SYN2: variants seen among roughly 807,000 people sequenced by gnomAD.
SYN2 encodes synapsin-2.
Under a neutral mutation model 50.9 loss-of-function variants are expected in SYN2, and 19 were observed. The ratio of observed to expected loss-of-function variants is 0.37; its 90% CI spans 0.26 to 0.55. The LOEUF (loss-of-function observed/expected upper bound fraction) is 0.55, where lower values mean the gene tolerates loss of function less well. SYN2 is among the 20% of genes least tolerant of loss of function. The pLI, the probability that SYN2 is intolerant of heterozygous loss-of-function variation, is 0.81. For missense variants in SYN2, 587 were observed against 576.4 expected (o/e 1.02, Z -0.19); for synonymous variants, 255 against 224.9 (o/e 1.13, Z -1.20).
intron 1 of SYN2, among the ~76,000 whole-genome samples, chr3:12,125,273 T>C (rs1420872935): frequency 6.6e-6 from 1 of 152,240 alleles, no homozygotes; most frequent in African/African-American, 2.4e-5. Context: ...GTGCTGGGAC[T>C]ACAGGCGTGA....
At chr3:12,025,081 A>G (rs567736062) in intron 1 of SYN2, among the ~76,000 whole-genome samples, 8 of 152,084 alleles carry the variant, frequency 5.3e-5, no homozygotes, top group Non-Finnish European at 1.2e-4. Flanking sequence ...TGGCTTGTAG[A>G]CGGCACCTTC....
rs1465103400 is a variant in SYN2, at chr3:12,190,607, C to T, written c.1731C>T (p.Ala577=). 1.9e-6 allele frequency: 3 copies of T among 1,613,078 alleles called. No homozygotes were observed. The African/African-American group carries it at 4.0e-5, about 22-fold the overall frequency. Residue 577 remains alanine (A), a synonymous_variant, in exon 13 of 13, where the codon GCC becomes GCT. Transcript: ENST00000621198. ...ETIRSLRKSF[A]SLFSD ...TCCGGAGCTTGAGGAAGTCCTTTGC[C>T]AGCCTCTTTTCAGATTAGCTCTTCA...
chr3:12,172,496 G>A (rs976685675), intron 10 of SYN2, among the ~76,000 whole-genome samples: 1 of 152,246 alleles, frequency 6.6e-6, no homozygotes, highest in African/African-American at 2.4e-5. Context: ...AAAGGAAGAT[G>A]TGTAGAGCAG....
At chr3:12,184,439 A>C (rs569571489) in intron 11 of SYN2, 27 of 985,796 alleles carry the variant, frequency 2.7e-5, no homozygotes, top group Non-Finnish European at 3.3e-5. Context: ...AAGGTCTGTC[A>C]GGGATTTGTC....
At chr3:12,134,582 G>A (rs1305563702) in intron 1 of SYN2, among the ~76,000 whole-genome samples, 1 of 152,222 alleles carries the variant, frequency 6.6e-6, no homozygotes, top group African/African-American at 2.4e-5. Flanking sequence ...TCCAGGCAGG[G>A]AGAATGGCTC....
intron 1 of SYN2, among the ~76,000 whole-genome samples, chr3:12,139,349 T>G (rs1326706463): frequency 3.3e-5 from 5 of 152,090 alleles, no homozygotes; most frequent in Non-Finnish European, 1.5e-5. Flanking sequence ...TGGGAATAAA[T>G]GCAATGCGGC....
chr3:12,168,917 T>G (rs1477485730), intron 9 of SYN2, among the ~76,000 whole-genome samples: 2 of 152,274 alleles, frequency 1.3e-5, no homozygotes, highest in East Asian at 3.9e-4. Flanking sequence ...CTAACACAAC[T>G]TTGCTGACTC....
intron 1 of SYN2, among the ~76,000 whole-genome samples, chr3:12,082,282 G>A (rs1262905705): frequency 6.6e-6 from 1 of 152,132 alleles, no homozygotes; most frequent in East Asian, 1.9e-4. Context: ...CTTTTTACTT[G>A]GGCCTGGTCA....
chr3:12,018,718 T>C (rs1469388860), intron 1 of SYN2, among the ~76,000 whole-genome samples: 1 of 152,176 alleles, frequency 6.6e-6, no homozygotes, highest in Non-Finnish European at 1.5e-5. Context: ...ATCCTTAAAA[T>C]TGGAATAATT....
At chr3:12,009,402 T>G (rs979346910) in intron 1 of SYN2, among the ~76,000 whole-genome samples, 1 of 152,142 alleles carries the variant, frequency 6.6e-6, no homozygotes, top group South Asian at 2.1e-4. Context: ...AACTTTTATA[T>G]TTTTCCATCC....
intron 1 of SYN2, among the ~76,000 whole-genome samples, chr3:12,018,669 G>C (rs557959606): frequency 6.6e-6 from 1 of 152,146 alleles, no homozygotes; most frequent in African/African-American, 2.4e-5. Flanking sequence ...AATTCATGCC[G>C]TAACAATTTG....
intron 1 of SYN2, among the ~76,000 whole-genome samples, chr3:12,135,337 T>G (rs1018868803): frequency 2.0e-5 from 3 of 152,224 alleles, no homozygotes; most frequent in African/African-American, 7.2e-5. Flanking sequence ...ATTTTCTAAC[T>G]TCTTGAAGCC....
At position 12,049,532 on chromosome 3, in the gene SYN2, T is replaced by TAAAA. The variant is rs58195740; in HGVS notation, c.377+44606_377+44607insAAAA. Among the ~76,000 whole-genome samples the TAAAA allele has an allele frequency of 2.5e-4, 37 of 150,542 alleles. 1 individual carries two copies. The highest frequency in any genetic ancestry group is 9.9e-4 in the East Asian group (5 of 5,074). On this transcript the variant is annotated intron_variant, in intron 1 of 12. Transcript: ENST00000621198. ...AGACTCCGTCTCAAAAAAAAAAAAATAATAAAAAATAAAAAAACTGAAAGA... is the reference window on the plus strand; with the variant it reads ...AGACTCCGTCTCAAAAAAAAAAAAATAAAAAATAAAAAATAAAAAAACTGAAAGA...
At chr3:12,118,499 C>T (rs1304993475) in intron 1 of SYN2, among the ~76,000 whole-genome samples, 1 of 152,166 alleles carries the variant, frequency 6.6e-6, no homozygotes, top group Non-Finnish European at 1.5e-5. Context: ...GAAAAGCTTA[C>T]TGAAAGTACC....
chr3:12,049,443 C>T lies in SYN2; in HGVS notation c.377+44515C>T, dbSNP rs561087252. 6.1e-4 allele frequency among the ~76,000 whole-genome samples: 92 copies of T among 151,814 alleles called. 1 individual carries two copies. The highest frequency in any genetic ancestry group is 2.1e-3 in the African/African-American group (86 of 41,362). ...CTGAGGCAGGAGAATCACTGGAACC[C>T]GGGAGGCGGAGGCTGCAGTGAGCCA... On this transcript the variant is annotated intron_variant, in intron 1 of 12. Coordinates refer to ENST00000621198, the MANE Select transcript of SYN2 (RefSeq NM_133625.6).
At chr3:12,079,675 T>G (rs1368008951) in intron 1 of SYN2, among the ~76,000 whole-genome samples, 1 of 152,044 alleles carries the variant, frequency 6.6e-6, no homozygotes, top group African/African-American at 2.4e-5. Flanking sequence ...GTGAATAAGG[T>G]TTTTTGGTGT....
intron 1 of SYN2, among the ~76,000 whole-genome samples, chr3:12,087,772 A>T (rs1695737504): frequency 2.0e-5 from 3 of 152,012 alleles, no homozygotes; most frequent in African/African-American, 7.2e-5. Context: ...CCAAAAAGTA[A>T]CCCATGCGTT....
intron 1 of SYN2, among the ~76,000 whole-genome samples, chr3:12,026,916 T>G (rs1430338419): frequency 1.3e-5 from 2 of 152,208 alleles, no homozygotes; most frequent in Non-Finnish European, 2.9e-5. Flanking sequence ...GCCCACAAAC[T>G]CAGAAGTGAT....
chr3:12,161,325 A>G (rs535492145), intron 5 of SYN2, among the ~76,000 whole-genome samples: 6 of 152,294 alleles, frequency 3.9e-5, no homozygotes, highest in Non-Finnish European at 8.8e-5. Flanking sequence ...GGTATACCAA[A>G]TAAGAGTACA....
Sources: allele counts gnomAD v4.1 joint callset (sites outside exome capture counted in the v4.1 genomes callset), GRCh38; gene constraint gnomAD v4.1.1; transcripts MANE v1.5; gene names NCBI Gene and HGNC (gene_info 2026-07-23, HGNC 2026-07-21).